The following GJE1 variants were observed in gnomAD, a reference collection of about 807,000 sequenced individuals.
GJE1 encodes the protein gap junction protein epsilon 1, also known as gap junction epsilon-1 protein.
GJE1 carries 9 observed loss-of-function variants against 6.2 expected under a neutral mutation model. The observed-to-expected ratio is 1.45, with a 90% CI of 0.87 to 2.52. The LOEUF is 2.52. GJE1 is among the 30% of genes most tolerant of loss of function. The pLI, the probability that GJE1 is intolerant of heterozygous loss-of-function variation, is 0.00. For synonymous variants in GJE1, 65 were observed against 30.1 expected, an observed-to-expected ratio of 2.16 and a Z score of -3.80; for missense variants, 190 against 87.7, an observed-to-expected ratio of 2.17 and a Z score of -4.66.
In GJE1 at chr6:142,134,246, C is replaced by A. The variant is rs377548537; in HGVS notation, c.234+202C>A. Among the ~76,000 whole-genome samples, 201 of 152,162 alleles carry A rather than the reference C, an allele frequency of 1.3e-3. 8 individuals carry two copies. The South Asian group carries it at 0.041, about 31-fold the overall frequency. ...GCATTTTATTATCTACTAATGTTAT[C>A]ATTATTCTCCAGATCTATATTTGGG... On this transcript the variant is annotated intron_variant, in intron 2 of 2. Coordinates refer to ENST00000450456, the Ensembl canonical transcript of GJE1.
chr6:142,134,683 G>A (rs757957592), exon 3 of GJE1: 25 of 695,418 alleles, frequency 3.6e-5, no homozygotes, highest in South Asian at 3.5e-4. Flanking sequence ...AATTAGTCTA[G>A]CGGCAATAGC....
exon 3 of GJE1, chr6:142,135,078 T>C (rs1367032527): frequency 1.9e-5 from 7 of 372,040 alleles, no homozygotes; most frequent in Middle Eastern, 7.1e-4. Flanking sequence ...TAAGGATTCT[T>C]GAAGAAATAT....
chr6:142,134,858 T>C, exon 3 of GJE1: 1 of 638,806 alleles, frequency 1.6e-6, no homozygotes, highest in African/African-American at 1.8e-5. Flanking sequence ...ATTACAATTT[T>C]ATTATTTGTT....
chr6:142,133,789 T>C (rs987234691), intron 1 of GJE1, 61 bp from the exon 2 acceptor site: 7 of 549,812 alleles, frequency 1.3e-5, no homozygotes, highest in Non-Finnish European at 2.3e-5. Flanking sequence ...AAGGATTTTT[T>C]TAAATGTCCT....
At chr6:142,134,395 T>G in intron 2 of GJE1, 144 bp from the exon 3 acceptor site, 1 of 455,760 alleles carries the variant, frequency 2.2e-6, no homozygotes, top group African/African-American at 2.0e-5. Context: ...TTCATTATAT[T>G]AAGACACATA....
exon 2 of GJE1, chr6:142,133,921 G>A: frequency 1.4e-6 from 1 of 702,236 alleles, no homozygotes; most frequent in Non-Finnish European, 2.6e-6. Flanking sequence ...TCTTCCTCGG[G>A]GTGCTAGGCT....
At position 142,134,699 on chromosome 6, in the gene GJE1, G is replaced by A. The variant is rs1778216422; in HGVS notation, c.395G>A (p.Trp132Ter). The stretch of plus-strand genomic sequence containing the variant: ...ATTAGTCTAGCGGCAATAGCATTCT[G>A]GCTTCAGATTTACCTCTTTGGTTTC... Residue 132 changes from tryptophan to a stop codon, truncating the protein, a stop_gained, in exon 3 of 3, where the codon TGG (tryptophan) becomes TAG (stop). Coordinates refer to ENST00000450456, the Ensembl canonical transcript of GJE1. LOFTEE classifies it high-confidence loss of function. The A allele has an allele frequency of 1.4e-6, 1 of 694,242 alleles. No homozygotes were observed. Among genetic ancestry groups the A allele is most frequent in the Non-Finnish European group, 2.6e-6 (1 of 382,392 alleles). 43.0% of individuals were successfully genotyped at this position (694,242 alleles called of 1,614,324 possible). A position where few individuals can be genotyped will look rare whatever the true frequency, so the allele number is the denominator to read the frequency against.
intron 2 of GJE1, among the ~76,000 whole-genome samples, 169 bp downstream of exon 2, chr6:142,134,213 C>T (rs1485790231): frequency 6.6e-6 from 1 of 151,968 alleles, no homozygotes; most frequent in East Asian, 1.9e-4. Context: ...GAGTTTCTTC[C>T]AATTCTGGCA....
At chr6:142,132,957 TG>T (rs1778171156), upstream of GJE1, 1 of 401,678 alleles carries the variant, frequency 2.5e-6, no homozygotes, top group African/African-American at 2.0e-5. Flanking sequence ...GTTTTTGTTT[TG>T]TTTTGGGACA....
chr6:142,134,881 G>C (rs1027065639), exon 3 of GJE1: 16 of 622,314 alleles, frequency 2.6e-5, no homozygotes, highest in Non-Finnish European at 4.0e-5. Context: ...TGAGATTTTT[G>C]AGATCATATT....
chr6:142,133,196 G>A (rs1435638562), exon 1 of GJE1: 1 of 683,612 alleles, frequency 1.5e-6, no homozygotes, highest in Non-Finnish European at 2.7e-6. Flanking sequence ...TATGAAGGAT[G>A]TGTAAGTATT....
exon 1 of GJE1, chr6:142,133,185 C>A: frequency 1.5e-6 from 1 of 685,606 alleles, no homozygotes; most frequent in Non-Finnish European, 2.7e-6. Flanking sequence ...TCAAAAACTT[C>A]TATGAAGGAT....
exon 3 of GJE1, chr6:142,135,041 T>C (rs1778227084): frequency 2.2e-6 from 1 of 446,434 alleles, no homozygotes; most frequent in East Asian, 3.4e-5. Context: ...TTTTGTCTAC[T>C]ATAAAATATA....
chr6:142,134,524 C>T lies in GJE1; in HGVS notation c.235-15C>T, dbSNP rs1413583039. 6.0e-6 allele frequency: 3 copies of T among 496,638 alleles called. No homozygotes were observed. Among genetic ancestry groups the T allele is most frequent in the Middle Eastern group, 2.8e-4 (1 of 3,542 alleles). 30.8% of individuals were successfully genotyped at this position (496,638 alleles called of 1,614,324 possible). ...GATTTACTAAGATATTTCTGACATA[C>T]TTTAGGTGTTCTAGGCATTACAACT... On this transcript the variant is annotated splice_polypyrimidine_tract_variant and intron_variant, in intron 2 of 2. Coordinates refer to ENST00000450456, the Ensembl canonical transcript of GJE1.
intron 2 of GJE1, among the ~76,000 whole-genome samples, chr6:142,134,287 C>T (rs1008927817): frequency 6.6e-6 from 1 of 152,036 alleles, no homozygotes; most frequent in African/African-American, 2.4e-5. Flanking sequence ...GACTAGCTGT[C>T]TAATAAAATA....
chr6:142,133,125 C>A, exon 1 of GJE1: 1 of 650,478 alleles, frequency 1.5e-6, no homozygotes, highest in Non-Finnish European at 2.8e-6. Context: ...CAAGAATTAA[C>A]CAACAGGAAT....
chr6:142,133,822 G>T (rs1176638186), intron 1 of GJE1, 28 bp from the exon 2 acceptor site: 5 of 609,498 alleles, frequency 8.2e-6, no homozygotes, highest in Admixed American at 5.1e-5. Context: ...GTGTTTAAAA[G>T]ATTTTTTTTC....
chr6:142,134,446 G>C (rs1392197945), intron 2 of GJE1, 93 bp from the exon 3 acceptor site: 2 of 455,266 alleles, frequency 4.4e-6, no homozygotes, highest in Non-Finnish European at 7.7e-6. Flanking sequence ...ATTAGACTCT[G>C]TTGAGAGTTA....
chr6:142,133,903 C>A (rs1468838632), exon 2 of GJE1: 1 of 702,304 alleles, frequency 1.4e-6, no homozygotes. Context: ...TTGGATCGAT[C>A]CGAATATTCT....
Sources: allele counts gnomAD v4.1 joint callset (sites outside exome capture counted in the v4.1 genomes callset), GRCh38; gene constraint gnomAD v4.1.1; transcripts MANE v1.5; gene names NCBI Gene and HGNC (gene_info 2026-07-23, HGNC 2026-07-21).